The following RANBP10 variants were observed in gnomAD, a reference collection of about 807,000 sequenced individuals.
RANBP10 encodes the protein ran-binding protein 10.
Under a neutral mutation model 72.8 loss-of-function variants are expected in RANBP10, and 24 were observed. The ratio of observed to expected loss-of-function variants is 0.33; its 90% CI spans 0.24 to 0.46. The LOEUF (loss-of-function observed/expected upper bound fraction) is 0.46. Ranked by LOEUF, RANBP10 falls within the 20% of genes least tolerant of loss-of-function variation. The pLI is 1.00. For synonymous variants in RANBP10, 310 were observed against 322.3 expected (o/e 0.96, Z 0.41); for missense variants, 679 against 817.5 (o/e 0.83, Z 2.07).
chr16:67,746,712 C>T (rs967846256), intron 3 of RANBP10, among the ~76,000 whole-genome samples: 7 of 152,184 alleles, frequency 4.6e-5, no homozygotes, highest in African/African-American at 1.4e-4. Flanking sequence ...TCCCAGTCCC[C>T]GGCAACACTA....
At chr16:67,735,099 TC>T in intron 5 of RANBP10, 57 bp from the exon 6 acceptor site, 6 of 1,441,104 alleles carry the variant, frequency 4.2e-6, no homozygotes, top group African/African-American at 1.4e-5. Flanking sequence ...TTCTAAGGCC[TC>T]ACCTCACCTC....
intron 2 of RANBP10, among the ~76,000 whole-genome samples, chr16:67,790,912 C>T (rs1223159187): frequency 1.3e-5 from 2 of 151,422 alleles, no homozygotes; most frequent in Admixed American, 1.3e-4. Context: ...GTTGACCAGG[C>T]TGGTCTCAAA....
At chr16:67,733,906 C>T (rs1313913928) in intron 6 of RANBP10, among the ~76,000 whole-genome samples, 1 of 152,234 alleles carries the variant, frequency 6.6e-6, no homozygotes, top group African/African-American at 2.4e-5. Context: ...GGCATCTTCA[C>T]CCCTCTTCTT....
chr16:67,794,431 C>T (rs963894338), intron 2 of RANBP10, among the ~76,000 whole-genome samples: 2 of 151,186 alleles, frequency 1.3e-5, no homozygotes, highest in Non-Finnish European at 2.9e-5. Flanking sequence ...AGCGAGACTC[C>T]GTCTCAAAAT....
chr16:67,744,271 G>T lies in RANBP10; in HGVS notation c.568+17C>A, dbSNP rs1207971511. The T allele has an allele frequency of 6.2e-7, 1 of 1,607,514 alleles. No homozygotes were observed. Among genetic ancestry groups the T allele is most frequent in the Non-Finnish European group, 8.5e-7 (1 of 1,175,218 alleles). ...GGCTCCACAGAGCAGAGCCTCCAAG[G>T]TCCCTTATGCACACACCAAGGCTGT... On this transcript the variant is annotated intron_variant, in intron 4 of 13. Transcript: ENST00000317506.
At chr16:67,751,994 GAATC>G (rs2054206691) in intron 3 of RANBP10, among the ~76,000 whole-genome samples, 1 of 146,580 alleles carries the variant, frequency 6.8e-6, no homozygotes, top group African/African-American at 2.5e-5. Flanking sequence ...AAAAAAAAAA[GAATC>G]AATTCAGGAT....
intron 4 of RANBP10, among the ~76,000 whole-genome samples, chr16:67,738,427 T>C (rs532148299): frequency 5.9e-5 from 9 of 151,820 alleles, no homozygotes; most frequent in Non-Finnish European, 1.3e-4. Context: ...CATGAGCTAC[T>C]GTGTCCAGCT....
At chr16:67,785,457 G>A (rs925229849) in intron 2 of RANBP10, among the ~76,000 whole-genome samples, 3 of 151,844 alleles carry the variant, frequency 2.0e-5, no homozygotes, top group South Asian at 2.1e-4. Context: ...AGACATCATC[G>A]GGGCTCATGC....
At chr16:67,754,722 G>A (rs938468622) in intron 3 of RANBP10, among the ~76,000 whole-genome samples, 1 of 152,200 alleles carries the variant, frequency 6.6e-6, no homozygotes, top group Non-Finnish European at 1.5e-5. Flanking sequence ...AGAGACTGTA[G>A]CCCTGGGTGC....
chr16:67,778,663 C>T (rs149701713), intron 2 of RANBP10, among the ~76,000 whole-genome samples: 1 of 152,098 alleles, frequency 6.6e-6, no homozygotes. Flanking sequence ...CTAGCCTGGG[C>T]GACACAGCAA....
chr16:67,774,322 G>A (rs2054658363), intron 2 of RANBP10, among the ~76,000 whole-genome samples: 2 of 152,212 alleles, frequency 1.3e-5, no homozygotes, highest in African/African-American at 4.8e-5. Context: ...GGAGGTCAAA[G>A]GTCACTCAAG....
chr16:67,765,910 G>T (rs1325745706), intron 3 of RANBP10, among the ~76,000 whole-genome samples: 1 of 152,182 alleles, frequency 6.6e-6, no homozygotes, highest in Non-Finnish European at 1.5e-5. Context: ...CTACTTGGGA[G>T]GCTGAGGTGG....
rs1345551096 is a variant in RANBP10, at chr16:67,729,271, G to A, written c.1352+9C>T. ...GAAGGCAGAGGAGGAAGCAGAGCAA[G>A]GCAGGCACCTGGTCTCCTGGTTACT... On this transcript the variant is annotated intron_variant, in intron 10 of 13. Transcript: ENST00000317506. This position sits in a 1 kb window ranked among gnomAD's most constrained non-coding sequence, Gnocchi z 7.1. 1 of 1,611,602 alleles carries A rather than the reference G, an allele frequency of 6.2e-7. No individual in the cohort carries two copies. The highest frequency in any genetic ancestry group is 1.3e-5 in the African/African-American group (1 of 74,990).
intron 2 of RANBP10, among the ~76,000 whole-genome samples, chr16:67,772,408 G>A (rs1202627849): frequency 3.3e-5 from 5 of 152,164 alleles, no homozygotes; most frequent in Non-Finnish European, 5.9e-5. Flanking sequence ...CTAAGGCACA[G>A]AATCTATTCC....
At chr16:67,763,839 C>T (rs558123774) in intron 3 of RANBP10, among the ~76,000 whole-genome samples, 4 of 152,166 alleles carry the variant, frequency 2.6e-5, no homozygotes, top group East Asian at 1.9e-4. Flanking sequence ...GGACTGTAGG[C>T]GCACGCCACC....
intron 2 of RANBP10, among the ~76,000 whole-genome samples, chr16:67,800,472 T>A (rs1399317339): frequency 1.3e-5 from 2 of 152,208 alleles, no homozygotes; most frequent in Non-Finnish European, 2.9e-5. Flanking sequence ...ACACCCTCCA[T>A]GTGTCATCAC....
intron 2 of RANBP10, among the ~76,000 whole-genome samples, chr16:67,796,180 C>A (rs111915401): frequency 6.6e-6 from 1 of 152,046 alleles, no homozygotes; most frequent in South Asian, 2.1e-4. Context: ...CCTCCCAAAG[C>A]GCTGGGATTA....
At chr16:67,737,940 G>A in intron 5 of RANBP10, 73 bp downstream of exon 5, 1 of 1,504,424 alleles carries the variant, frequency 6.6e-7, no homozygotes, top group Non-Finnish European at 9.1e-7. Context: ...CCCTGCACTT[G>A]CAGGTACCAC....
chr16:67,777,552 A>G (rs1437787644), intron 2 of RANBP10, among the ~76,000 whole-genome samples: 1 of 152,204 alleles, frequency 6.6e-6, no homozygotes, highest in African/African-American at 2.4e-5. Flanking sequence ...AAACGAAAAA[A>G]AAAGTAAAAA....
Sources: allele counts gnomAD v4.1 joint callset (sites outside exome capture counted in the v4.1 genomes callset), GRCh38; gene constraint gnomAD v4.1.1; non-coding constraint Gnocchi (gnomAD v3.1); transcripts MANE v1.5; gene names NCBI Gene and HGNC (gene_info 2026-07-23, HGNC 2026-07-21).